The following CBLL2 variants were observed in gnomAD, a reference collection of about 807,000 sequenced individuals.
The protein encoded by CBLL2 is E3 ubiquitin-protein ligase CBLL2.
For synonymous variants in CBLL2, 123 were observed against 124.9 expected (o/e 0.98, Z 0.10); for missense variants, 347 against 343.2 (o/e 1.01, Z -0.09).
Position 22,274,013 on chromosome X carries a change from G to A in CBLL2, c.1022G>A (p.Arg341His), listed in dbSNP as rs757547937. ...VPPDMNSPPL[R>H]APQSQNGNPS... The stretch of plus-strand genomic sequence containing the variant: ...CCTGATATGAATTCTCCTCCACTAC[G>A]TGCTCCCCAGTCTCAAAATGGTAAT... The change falls in exon 1 of 1, where the codon CGT (arginine) becomes CAT (histidine). Residue 341 changes from arginine (R) to histidine (H), a missense_variant. Transcript: ENST00000323684. 14 of 1,209,226 alleles carry A rather than the reference G, an allele frequency of 1.2e-5. No individual in the cohort carries two copies. The highest frequency in any genetic ancestry group is 4.6e-4 in the Middle Eastern group (2 of 4,376).
At position 22,273,925 on chromosome X, in the gene CBLL2, C is replaced by G. The variant is rs138673057; in HGVS notation, c.934C>G (p.Gln312Glu). 297 of 1,208,903 alleles carry G rather than the reference C, an allele frequency of 2.5e-4. No homozygotes were observed. The highest frequency in any genetic ancestry group is 3.0e-4 in the Non-Finnish European group (269 of 894,842). Residue 312 changes from glutamine to glutamate, a missense_variant, in exon 1 of 1, where the codon CAA (glutamine) becomes GAA (glutamate). Gln to Glu is a conservative substitution (Grantham distance 29, BLOSUM62 2). Transcript: ENST00000323684. ...DVVTPNSVRS[Q>E]VPALTTTYDP... ...AGTTACTCCTAACTCGGTTCGTAGC[C>G]AAGTGCCAGCTCTAACCACGACCTA...
Position 22,274,318 on chromosome X carries a change from C to T in CBLL2, c.*49C>T, listed in dbSNP as rs772045465. Reference sequence around the variant, plus strand: ...GAAGACCTGATGGGAAAAAAACCTTCAAGTTCTATACTGTACTGTGGATAA... The same window carrying T: ...GAAGACCTGATGGGAAAAAAACCTTTAAGTTCTATACTGTACTGTGGATAA... On this transcript the variant is annotated 3_prime_UTR_variant, in exon 1 of 1. Coordinates refer to ENST00000323684, the MANE Select transcript of CBLL2 (RefSeq NM_152577.4). 6 of 1,090,692 alleles carry T rather than the reference C, an allele frequency of 5.5e-6. No homozygotes were observed. Among genetic ancestry groups the T allele is most frequent in the Non-Finnish European group, 7.5e-6 (6 of 802,928 alleles). 89.9% of individuals were successfully genotyped at this position (1,090,692 alleles called of 1,213,427 possible). A position where few individuals can be genotyped will look rare whatever the true frequency, so the allele number is the denominator to read the frequency against.
In CBLL2 at chrX:22,273,474, A is replaced by G. The variant is rs146611118; in HGVS notation, c.483A>G (p.Gln161=). Residue 161 remains glutamine (Q), a synonymous_variant, in exon 1 of 1, where the codon CAA becomes CAG. Transcript: ENST00000323684. ...TTCGTCCTCATATTGCTCCGCCACA[A>G]ACTGAAATCTCTGACATCCCTAAAA... ...EKVRPHIAPP[Q]TEISDIPKRL... is the part of the protein sequence containing the mutation. 2.5e-6 allele frequency: 3 copies of G among 1,209,695 alleles called. No homozygotes were observed. The highest frequency in any genetic ancestry group is 3.4e-6 in the Non-Finnish European group (3 of 895,263).
In CBLL2 at chrX:22,273,969, T is replaced by C. The variant is rs1430458086; in HGVS notation, c.978T>C (p.Tyr326=). 3 of 1,211,567 alleles carry C rather than the reference T, an allele frequency of 2.5e-6. No homozygotes were observed. The highest frequency in any genetic ancestry group is 3.4e-6 in the Non-Finnish European group (3 of 895,509). Residue 326 remains tyrosine (Y), a synonymous_variant, in exon 1 of 1, where the codon TAT becomes TAC. Transcript: ENST00000323684. ...LTTTYDPSSG[Y]IIVKVPPDMN... is the part of the protein sequence containing the mutation. Reference sequence around the variant, plus strand: ...CGACCTACGATCCATCATCTGGATATATTATTGTAAAGGTGCCACCTGATA... The same window carrying C: ...CGACCTACGATCCATCATCTGGATACATTATTGTAAAGGTGCCACCTGATA...
Position 22,274,451 on chromosome X carries a change from C to T in CBLL2, c.*182C>T. 2.6e-6 allele frequency: 1 copy of T among 387,733 alleles called. No individual in the cohort carries two copies. The highest frequency in any genetic ancestry group is 4.1e-5 in the East Asian group (1 of 24,101). The allele number at this position is 387,733 out of a possible 1,213,427, so 32.0% of individuals were successfully genotyped here. ...TTCCTGAAATAAATATGCAATGTTA[C>T]ATTTTCAAAAGTATTGTGGTTTTTA... is the stretch of plus-strand genomic sequence containing the variant. On this transcript the variant is annotated 3_prime_UTR_variant, in exon 1 of 1. Transcript: ENST00000323684.
In CBLL2 at chrX:22,273,818, T is replaced by C. The variant is rs1602457011; in HGVS notation, c.827T>C (p.Ile276Thr). The C allele has an allele frequency of 8.3e-7, 1 of 1,211,409 alleles. No homozygotes were observed. Among genetic ancestry groups the C allele is most frequent in the East Asian group, 3.0e-5 (1 of 33,829 alleles). ...QPAVSSPHHI[I>T]PQKQHYAPPP... Reference sequence around the variant, plus strand: ...GCGGTATCGTCCCCTCATCATATTATACCTCAGAAACAGCATTATGCGCCA... The same window carrying C: ...GCGGTATCGTCCCCTCATCATATTACACCTCAGAAACAGCATTATGCGCCA... The change falls in exon 1 of 1, where the codon ATA (isoleucine) becomes ACA (threonine). Residue 276 changes from isoleucine (I) to threonine (T), a missense_variant. Transcript: ENST00000323684.
rs746442308 is a variant in CBLL2, at chrX:22,273,920, G to A, written c.929G>A (p.Arg310His). ...PQDVVTPNSV[R>H]SQVPALTTTY... ...GATGTAGTTACTCCTAACTCGGTTC[G>A]TAGCCAAGTGCCAGCTCTAACCACG... Residue 310 changes from arginine (R) to histidine (H), a missense_variant, in exon 1 of 1, where the codon CGT becomes CAT. Arg to His is a conservative substitution (Grantham distance 29). Coordinates refer to ENST00000323684, the MANE Select transcript of CBLL2 (RefSeq NM_152577.4). 38 of 1,208,693 alleles carry A rather than the reference G, an allele frequency of 3.1e-5. No individual in the cohort carries two copies. Among genetic ancestry groups the A allele is most frequent in the African/African-American group, 1.4e-4 (8 of 56,735 alleles).
Position 22,273,299 on chromosome X carries a change from T to C in CBLL2, c.308T>C (p.Ile103Thr). Residue 103 changes from isoleucine (I) to threonine (T), a missense_variant, in exon 1 of 1, where the codon ATT becomes ACT. Physicochemically the swap from Ile to Thr is moderately conservative, Grantham distance 89. Coordinates refer to ENST00000323684, the MANE Select transcript of CBLL2 (RefSeq NM_152577.4). ...CGCTGTCGTTATCCTGTGCTGAGAA[T>C]TGAGGCGCATAAACGAGGTTCTGTC... ...CPRCRYPVLRIEAHKRGSVFM... is the reference protein window; with the variant it reads ...CPRCRYPVLRTEAHKRGSVFM... 3 of 1,211,771 alleles carry C rather than the reference T, an allele frequency of 2.5e-6. No homozygotes were observed. The highest frequency in any genetic ancestry group is 1.8e-5 in the South Asian group (1 of 56,968).
At position 22,274,422 on chromosome X, in the gene CBLL2, C is replaced by T. The variant is rs762971677; in HGVS notation, c.*153C>T. ...AAATTGACCTAAAGGTGACCTCTGA[C>T]GATTTCCTGAAATAAATATGCAATG... is the stretch of plus-strand genomic sequence containing the variant. On this transcript the variant is annotated 3_prime_UTR_variant, in exon 1 of 1. Transcript: ENST00000323684. 1.2e-5 allele frequency: 5 copies of T among 410,182 alleles called. No homozygotes were observed. Among genetic ancestry groups the T allele is most frequent in the African/African-American group, 2.6e-5 (1 of 38,894 alleles). The allele number at this position is 410,182 out of a possible 1,213,427, so 33.8% of individuals were successfully genotyped here.
At position 22,273,809 on chromosome X, in the gene CBLL2, A is replaced by G. The variant is rs1459435350; in HGVS notation, c.818A>G (p.His273Arg). Residue 273 changes from histidine to arginine, a missense_variant, in exon 1 of 1, where the codon CAT (histidine) becomes CGT (arginine). By Grantham distance (29) the His-to-Arg change is conservative. Transcript: ENST00000323684. ...AGTCAACCAGCGGTATCGTCCCCTC[A>G]TCATATTATACCTCAGAAACAGCAT... Reference protein sequence around the residue: ...CQSQPAVSSPHHIIPQKQHYA... With the variant: ...CQSQPAVSSPRHIIPQKQHYA... The G allele has an allele frequency of 1.7e-6, 2 of 1,208,878 alleles. No individual in the cohort carries two copies. Among genetic ancestry groups the G allele is most frequent in the Non-Finnish European group, 2.2e-6 (2 of 895,016 alleles).
chrX:22,274,096 A>G lies in CBLL2; in HGVS notation c.1105A>G (p.Thr369Ala), dbSNP rs1451726112. 2.5e-6 allele frequency: 3 copies of G among 1,211,692 alleles called. No homozygotes were observed. Among genetic ancestry groups the G allele is most frequent in the Non-Finnish European group, 3.3e-6 (3 of 895,538 alleles). ...HYNLNILPQFTENQETLSPQF... is the reference protein window; with the variant it reads ...HYNLNILPQFAENQETLSPQF... ...TAACCTTAACATTTTACCTCAGTTC[A>G]CCGAAAATCAAGAAACCTTGAGCCC... Residue 369 changes from threonine to alanine, a missense_variant, in exon 1 of 1, where the codon ACC becomes GCC. Coordinates refer to ENST00000323684, the MANE Select transcript of CBLL2 (RefSeq NM_152577.4).
At position 22,273,270 on chromosome X, in the gene CBLL2, T is replaced by C. The variant is rs779213768; in HGVS notation, c.279T>C (p.Cys93=). Residue 93 remains cysteine, a synonymous_variant, in exon 1 of 1, where the codon TGT becomes TGC. Coordinates refer to ENST00000323684, the MANE Select transcript of CBLL2 (RefSeq NM_152577.4). ...ATGACAAAGTCGGATATAAAGTATG[T>C]CCGCGCTGTCGTTATCCTGTGCTGA... ...NLYDKVGYKV[C]PRCRYPVLRI... The C allele has an allele frequency of 9.1e-6, 11 of 1,211,831 alleles. No individual in the cohort carries two copies. Among genetic ancestry groups the C allele is most frequent in the East Asian group, 3.0e-5 (1 of 33,843 alleles).
In CBLL2 at chrX:22,273,387, T is replaced by C. The variant is rs1399138697; in HGVS notation, c.396T>C (p.Ala132=). The C allele has an allele frequency of 8.3e-7, 1 of 1,211,902 alleles. No individual in the cohort carries two copies. Among genetic ancestry groups the C allele is most frequent in the Non-Finnish European group, 1.1e-6 (1 of 895,575 alleles). Reference sequence around the variant, plus strand: ...ACTTGTCTCAGAAAAGCTTACAGGCTCATATCAAACGCCGCCATAAGAGAG... The same window carrying C: ...ACTTGTCTCAGAAAAGCTTACAGGCCCATATCAAACGCCGCCATAAGAGAG... The part of the protein sequence containing the change: ...RTYLSQKSLQ[A]HIKRRHKRAR... Residue 132 remains alanine (A), a synonymous_variant, in exon 1 of 1, where the codon GCT becomes GCC. Coordinates refer to ENST00000323684, the MANE Select transcript of CBLL2 (RefSeq NM_152577.4).
In CBLL2 at chrX:22,274,167, A is replaced by G; in HGVS notation, c.1176A>G (p.Ala392=). 1 of 1,211,999 alleles carries G rather than the reference A, an allele frequency of 8.3e-7. No homozygotes were observed. The highest frequency in any genetic ancestry group is 1.1e-6 in the Non-Finnish European group (1 of 895,492). ...CAATGGATCATAGAAGGTGGCCTGC[A>G]TGGAAACGACTGTCACCTTGTCCAC... is the stretch of plus-strand genomic sequence containing the variant. The part of the protein sequence containing the change: ...TDAMDHRRWP[A]WKRLSPCPPT... The change falls in exon 1 of 1, where the codon GCA becomes GCG. Residue 392 remains alanine (A), a synonymous_variant. Coordinates refer to ENST00000323684, the MANE Select transcript of CBLL2 (RefSeq NM_152577.4).
At position 22,273,963 on chromosome X, in the gene CBLL2, T is replaced by C. The variant is rs375492917; in HGVS notation, c.972T>C (p.Ser324=). ...PALTTTYDPS[S]GYIIVKVPPD... ...TAACCACGACCTACGATCCATCATC[T>C]GGATATATTATTGTAAAGGTGCCAC... Residue 324 remains serine, a synonymous_variant, in exon 1 of 1, where the codon TCT becomes TCC. Coordinates refer to ENST00000323684, the MANE Select transcript of CBLL2 (RefSeq NM_152577.4). 46 of 1,209,697 alleles carry C rather than the reference T, an allele frequency of 3.8e-5. No individual in the cohort carries two copies. In the Middle Eastern group the frequency reaches 9.1e-4, roughly 24 times the overall value.
Position 22,273,821 on chromosome X carries a change from C to T in CBLL2, c.830C>T (p.Pro277Leu). The T allele has an allele frequency of 1.7e-6, 2 of 1,211,235 alleles. No homozygotes were observed. The highest frequency in any genetic ancestry group is 2.2e-6 in the Non-Finnish European group (2 of 895,348). The stretch of plus-strand genomic sequence containing the variant: ...GTATCGTCCCCTCATCATATTATAC[C>T]TCAGAAACAGCATTATGCGCCACCT... ...PAVSSPHHII[P>L]QKQHYAPPPS... Residue 277 changes from proline (P) to leucine (L), a missense_variant, in exon 1 of 1, where the codon CCT (proline) becomes CTT (leucine). Transcript: ENST00000323684.
At position 22,273,149 on chromosome X, in the gene CBLL2, C is replaced by G. The variant is rs1569106292; in HGVS notation, c.158C>G (p.Pro53Arg). ...ATCATAGGTGAAAAGGATGATTTAC[C>G]AATTCATTTCTGTGACAAATGTGAT... ...INIIGEKDDL[P>R]IHFCDKCDLP... Residue 53 changes from proline (P) to arginine (R), a missense_variant, in exon 1 of 1, where the codon CCA becomes CGA. Pro to Arg is a moderately radical substitution (Grantham distance 103). Transcript: ENST00000323684. The G allele has an allele frequency of 8.3e-7, 1 of 1,210,869 alleles. No individual in the cohort carries two copies. The highest frequency in any genetic ancestry group is 1.1e-6 in the Non-Finnish European group (1 of 895,038).
rs1279604127 is a variant in CBLL2 at position 22,273,700 on chromosome X, A to C, written c.709A>C (p.Asn237His). The change falls in exon 1 of 1, where the codon AAT (asparagine) becomes CAT (histidine). Residue 237 changes from asparagine to histidine, a missense_variant. Coordinates refer to ENST00000323684, the MANE Select transcript of CBLL2 (RefSeq NM_152577.4). ...TAGTATTTTTACGAGAAAACATGGC[A>C]ATTTAACAGTTGATCATATTCAGAA... Reference protein sequence around the residue: ...TVSIFTRKHGNLTVDHIQNNS... With the variant: ...TVSIFTRKHGHLTVDHIQNNS... The C allele has an allele frequency of 8.3e-7, 1 of 1,209,886 alleles. No homozygotes were observed. The highest frequency in any genetic ancestry group is 1.8e-5 in the African/African-American group (1 of 57,076).
In CBLL2 at chrX:22,272,925, G is replaced by C; in HGVS notation, c.-67G>C. ...TTGGGTGGCCTTCACGTTAGCAGAAGAATTCCTTTAAACGTCATTTTTGAG... is the reference window on the plus strand; with the variant it reads ...TTGGGTGGCCTTCACGTTAGCAGAACAATTCCTTTAAACGTCATTTTTGAG... On this transcript the variant is annotated 5_prime_UTR_variant, in exon 1 of 1. Transcript: ENST00000323684. The C allele has an allele frequency of 1.0e-6, 1 of 1,001,943 alleles. No homozygotes were observed. The highest frequency in any genetic ancestry group is 1.4e-6 in the Non-Finnish European group (1 of 736,839). The allele number at this position is 1,001,943 out of a possible 1,213,427, so 82.6% of individuals were successfully genotyped here.
Sources: gnomAD v4.1 joint callset for allele counts on GRCh38, gnomAD v4.1.1 for gene constraint, MANE v1.5 for transcripts, NCBI Gene and HGNC (gene_info 2026-07-23, HGNC 2026-07-21) for gene names.